The following KLHL1 variants were observed in gnomAD, a reference collection of about 807,000 sequenced individuals.
KLHL1 encodes the protein kelch-like protein 1.
KLHL1 carries 47 observed loss-of-function variants against 77.7 expected under a neutral mutation model. That is an observed-to-expected ratio of 0.60 (90% CI 0.48 to 0.77). The LOEUF (loss-of-function observed/expected upper bound fraction) is 0.77, where lower values mean the gene tolerates loss of function less well. Among genes scored for constraint, KLHL1 ranks in the 30% least tolerant of loss-of-function variants. The pLI, the probability that KLHL1 is intolerant of heterozygous loss-of-function variation, is 0.00. For missense variants in KLHL1, 925 were observed against 910.8 expected, an observed-to-expected ratio of 1.02 and a Z score of -0.20; for synonymous variants, 360 against 325.2, an observed-to-expected ratio of 1.11 and a Z score of -1.15.
At chr13:69,800,538 G>A (rs1444274041) in intron 6 of KLHL1, among the ~76,000 whole-genome samples, 1 of 152,124 alleles carries the variant, frequency 6.6e-6, no homozygotes, top group Non-Finnish European at 1.5e-5. Context: ...TTATTCAAAT[G>A]TCAGCAGGTA....
intron 3 of KLHL1, among the ~76,000 whole-genome samples, chr13:69,956,087 T>G (rs1481483698): frequency 1.7e-5 from 2 of 120,398 alleles, no homozygotes; most frequent in East Asian, 3.0e-4. Flanking sequence ...TATATATTTT[T>G]ATATATTTGA....
chr13:69,960,266 CTT>C (rs1368664260), intron 3 of KLHL1, among the ~76,000 whole-genome samples: 1 of 147,742 alleles, frequency 6.8e-6, no homozygotes, highest in Admixed American at 6.9e-5. Context: ...AATGTCACCT[CTT>C]GTTTTTCTGT....
In KLHL1 at chr13:70,058,568, T is replaced by C. The variant is rs1301546683; in HGVS notation, c.497+48635A>G. On this transcript the variant is annotated intron_variant, in intron 1 of 10. Coordinates refer to ENST00000377844, the MANE Select transcript of KLHL1 (RefSeq NM_020866.3). ...AGATCAGACTATTGATTAAAGAAAT[T>C]GAGGACGTCCAATATGGAAAAATAT... Among the ~76,000 whole-genome samples the C allele has an allele frequency of 3.3e-5, 5 of 152,216 alleles. No homozygotes were observed. The East Asian group carries it at 9.7e-4, about 29-fold the overall frequency.
At chr13:70,032,503 T>C (rs950289594) in intron 1 of KLHL1, among the ~76,000 whole-genome samples, 1 of 152,178 alleles carries the variant, frequency 6.6e-6, no homozygotes, top group Non-Finnish European at 1.5e-5. Flanking sequence ...TACCATACAA[T>C]GTCTGTATGT....
At chr13:69,849,702 C>T (rs1312800334) in intron 5 of KLHL1, among the ~76,000 whole-genome samples, 1 of 133,246 alleles carries the variant, frequency 7.5e-6, no homozygotes, top group Non-Finnish European at 1.6e-5. Flanking sequence ...TAAAAATATG[C>T]TAAATTATAA....
chr13:70,076,800 A>T (rs1312251064), intron 1 of KLHL1, among the ~76,000 whole-genome samples: 1 of 152,020 alleles, frequency 6.6e-6, no homozygotes, highest in Non-Finnish European at 1.5e-5. Context: ...TGAGAAAAAG[A>T]AACAACTCAG....
At chr13:69,787,514 G>C (rs1487265025) in intron 7 of KLHL1, among the ~76,000 whole-genome samples, 1 of 152,040 alleles carries the variant, frequency 6.6e-6, no homozygotes, top group African/African-American at 2.4e-5. Flanking sequence ...TTAATTCAAG[G>C]TGGATTAAAG....
chr13:70,043,274 A>G (rs372673394), intron 1 of KLHL1, among the ~76,000 whole-genome samples: 1 of 152,192 alleles, frequency 6.6e-6, no homozygotes, highest in South Asian at 2.1e-4. Flanking sequence ...GAAAAGTTAT[A>G]TAATAAGAAA....
intron 4 of KLHL1, among the ~76,000 whole-genome samples, chr13:69,893,270 C>G (rs952013189): frequency 1.3e-5 from 2 of 148,740 alleles, no homozygotes; most frequent in Non-Finnish European, 3.0e-5. Context: ...CTCTGTCGCC[C>G]AGGCCGGACT....
intron 4 of KLHL1, among the ~76,000 whole-genome samples, chr13:69,928,991 T>A (rs968441789): frequency 1.3e-5 from 2 of 152,178 alleles, no homozygotes; most frequent in African/African-American, 4.8e-5. Flanking sequence ...CAATTATTGA[T>A]CATCTCTTAT....
At position 70,055,605 on chromosome 13, in the gene KLHL1, ACTT is replaced by A. The variant is rs1009701050; in HGVS notation, c.497+51595_497+51597del. 6.6e-5 allele frequency among the ~76,000 whole-genome samples: 10 copies of A among 152,122 alleles called. 1 individual carries two copies. Among genetic ancestry groups the A allele is most frequent in the Non-Finnish European group, 1.2e-4 (8 of 67,990 alleles). ...AACCTATAAAATAATGACTACAACA[ACTT>A]CTTAAGACATAGGTAGAATAATAAG... On this transcript the variant is annotated intron_variant, in intron 1 of 10. Coordinates refer to ENST00000377844, the MANE Select transcript of KLHL1 (RefSeq NM_020866.3).
chr13:70,064,120 A>G (rs1462015135), intron 1 of KLHL1, among the ~76,000 whole-genome samples: 1 of 152,184 alleles, frequency 6.6e-6, no homozygotes, highest in Non-Finnish European at 1.5e-5. Flanking sequence ...ATAATTGTCT[A>G]TGAGGACTAA....
chr13:69,833,771 A>G (rs557992992), intron 6 of KLHL1, among the ~76,000 whole-genome samples: 6 of 149,360 alleles, frequency 4.0e-5, no homozygotes, highest in African/African-American at 1.5e-4. Flanking sequence ...ATATATACAT[A>G]CATACATACA....
chr13:69,876,657 C>T (rs1880774820), intron 5 of KLHL1, among the ~76,000 whole-genome samples: 1 of 152,200 alleles, frequency 6.6e-6, no homozygotes, highest in Non-Finnish European at 1.5e-5. Context: ...CACAAACACA[C>T]ACACACATTG....
chr13:69,968,761 T>C (rs1285559961), intron 2 of KLHL1, among the ~76,000 whole-genome samples: 2 of 152,148 alleles, frequency 1.3e-5, no homozygotes, highest in Non-Finnish European at 2.9e-5. Flanking sequence ...TCATTTTTTA[T>C]GGCTGCATAG....
rs138697207 is a variant in KLHL1, at chr13:69,709,764, G to A, written c.2016-1968C>T. Among the ~76,000 whole-genome samples, 17 of 152,072 alleles carry A rather than the reference G, an allele frequency of 1.1e-4. No individual in the cohort carries two copies. The East Asian group carries it at 3.3e-3, about 29-fold the overall frequency. On this transcript the variant is annotated intron_variant, in intron 9 of 10. Transcript: ENST00000377844. Reference sequence around the variant, plus strand: ...TTAGGGAAAAAAGGAAGGACAGAGAGGGCAGAAAAATGGATGAAACAATAA... The same window carrying A: ...TTAGGGAAAAAAGGAAGGACAGAGAAGGCAGAAAAATGGATGAAACAATAA...
intron 3 of KLHL1, among the ~76,000 whole-genome samples, chr13:69,944,958 A>T (rs979201629): frequency 6.6e-6 from 1 of 151,552 alleles, no homozygotes; most frequent in African/African-American, 2.4e-5. Flanking sequence ...GCTAAATTCA[A>T]ACATTAAACT....
intron 5 of KLHL1, among the ~76,000 whole-genome samples, chr13:69,848,424 C>T (rs190329701): frequency 1.3e-5 from 2 of 151,624 alleles, no homozygotes; most frequent in Admixed American, 1.3e-4. Context: ...CCTCCTCTTA[C>T]ATTTAAAGTC....
At chr13:70,009,014 A>G (rs2070622876) in intron 1 of KLHL1, among the ~76,000 whole-genome samples, 1 of 152,166 alleles carries the variant, frequency 6.6e-6, no homozygotes, top group Non-Finnish European at 1.5e-5. Context: ...CAATAAAAGT[A>G]AAGATGAGAT....
Sources: allele counts gnomAD v4.1 joint callset (sites outside exome capture counted in the v4.1 genomes callset), GRCh38; gene constraint gnomAD v4.1.1; transcripts MANE v1.5; gene names NCBI Gene and HGNC (gene_info 2026-07-23, HGNC 2026-07-21).